GPC5: variants seen among roughly 807,000 people sequenced by gnomAD.
GPC5 encodes the protein glypican 5.
In GPC5, 47 loss-of-function variants were observed where a neutral mutation model predicts 53.9. The observed-to-expected ratio is 0.87, with a 90% CI of 0.69 to 1.11. GPC5 has a LOEUF of 1.11. GPC5 is among the 50% of genes most tolerant of loss of function. GPC5 has a pLI of 0.00. For missense variants in GPC5, 748 were observed against 713.1 expected (o/e 1.05, Z -0.56); for synonymous variants, 286 against 263.3 (o/e 1.09, Z -0.84).
At chr13:92,037,227 A>C (rs1366617479) in intron 6 of GPC5, among the ~76,000 whole-genome samples, 1 of 152,094 alleles carries the variant, frequency 6.6e-6, no homozygotes, top group Non-Finnish European at 1.5e-5. Context: ...GCGTGCACAC[A>C]CACCTTGCTT....
intron 6 of GPC5, among the ~76,000 whole-genome samples, chr13:91,925,481 G>T (rs909646065): frequency 2.0e-5 from 3 of 152,112 alleles, no homozygotes; most frequent in Non-Finnish European, 2.9e-5. Flanking sequence ...CCCACTAGGT[G>T]CTAGGTATTA....
At chr13:91,986,463 A>G (rs1200638204) in intron 6 of GPC5, among the ~76,000 whole-genome samples, 6 of 152,180 alleles carry the variant, frequency 3.9e-5, no homozygotes, top group African/African-American at 1.4e-4. Flanking sequence ...TAATTTGTAA[A>G]CTTTTCTGAA....
At chr13:92,466,516 A>G (rs901667017) in intron 7 of GPC5, among the ~76,000 whole-genome samples, 2 of 151,920 alleles carry the variant, frequency 1.3e-5, no homozygotes, top group African/African-American at 4.8e-5. Flanking sequence ...CTGGTTTACA[A>G]TGTATCACTT....
At chr13:92,472,065 T>C (rs1214084787) in intron 7 of GPC5, among the ~76,000 whole-genome samples, 2 of 151,978 alleles carry the variant, frequency 1.3e-5, no homozygotes, top group Non-Finnish European at 2.9e-5. Flanking sequence ...CAAATGAAGG[T>C]ACATGTATGA....
chr13:91,874,921 A>G (rs2138938061), intron 5 of GPC5, among the ~76,000 whole-genome samples: 1 of 152,282 alleles, frequency 6.6e-6, no homozygotes, highest in South Asian at 2.1e-4. Context: ...ACTCAATAAC[A>G]AAGGATGAAT....
chr13:92,250,151 A>G (rs1929183), intron 7 of GPC5, among the ~76,000 whole-genome samples: 85,539 of 151,758 alleles, frequency 0.56, 24,374 homozygotes, highest in South Asian at 0.65. Context: ...TCAATGATAC[A>G]TGCTCAGCCA....
chr13:92,854,482 G>A (rs1641644118), intron 7 of GPC5, among the ~76,000 whole-genome samples: 1 of 151,218 alleles, frequency 6.6e-6, no homozygotes, highest in Admixed American at 6.6e-5. Flanking sequence ...ACAAGTATCA[G>A]ACAGATAAAA....
chr13:92,726,449 A>G (rs1243724717), intron 7 of GPC5, among the ~76,000 whole-genome samples: 4 of 151,470 alleles, frequency 2.6e-5, no homozygotes. Context: ...CTAGAGTGCA[A>G]TGGTGAAAAC....
At chr13:91,586,855 G>C (rs1002856498) in intron 2 of GPC5, among the ~76,000 whole-genome samples, 1 of 151,580 alleles carries the variant, frequency 6.6e-6, no homozygotes, top group Non-Finnish European at 1.5e-5. Flanking sequence ...TATTCAAAAT[G>C]GAAATATTTG....
chr13:91,902,263 A>G (rs182333061), intron 5 of GPC5, among the ~76,000 whole-genome samples: 11 of 152,202 alleles, frequency 7.2e-5, no homozygotes, highest in Admixed American at 7.2e-4. Context: ...CAAGCTGGTA[A>G]AGTCAGGAGA....
intron 7 of GPC5, among the ~76,000 whole-genome samples, chr13:92,342,838 T>A (rs1370021578): frequency 6.6e-6 from 1 of 152,130 alleles, no homozygotes; most frequent in Non-Finnish European, 1.5e-5. Flanking sequence ...TTGTATTACT[T>A]TAGCTTTGGT....
At chr13:91,868,671 C>A (rs1403859197) in intron 5 of GPC5, among the ~76,000 whole-genome samples, 1 of 152,104 alleles carries the variant, frequency 6.6e-6, no homozygotes, top group Non-Finnish European at 1.5e-5. Context: ...TGCCACTGCA[C>A]TCCAGCCTGG....
intron 5 of GPC5, among the ~76,000 whole-genome samples, chr13:91,895,023 T>C (rs561969377): frequency 6.7e-6 from 1 of 150,174 alleles, no homozygotes; most frequent in Non-Finnish European, 1.5e-5. Context: ...TTATCGAAGC[T>C]GGCCTTCTAA....
At chr13:92,527,207 A>AAGAAAGAAAGAAAGAAAGAAAG (rs1881360618) in intron 7 of GPC5, among the ~76,000 whole-genome samples, 5 of 33,134 alleles carry the variant, frequency 1.5e-4, no homozygotes, top group Non-Finnish European at 2.3e-4. Flanking sequence ...GAAAGAAAGA[A>AAGAAAGAAAGAAAGAAAGAAAG]AGAAAGAAAG....
At chr13:91,865,817 A>G (rs1031212141) in intron 5 of GPC5, among the ~76,000 whole-genome samples, 1 of 151,350 alleles carries the variant, frequency 6.6e-6, no homozygotes, top group Non-Finnish European at 1.5e-5. Flanking sequence ...TCCTCATCCC[A>G]TCCCTCTACT....
At chr13:92,661,872 C>T (rs1462437855) in intron 7 of GPC5, among the ~76,000 whole-genome samples, 1 of 152,194 alleles carries the variant, frequency 6.6e-6, no homozygotes, top group African/African-American at 2.4e-5. Context: ...CCTATCTCTT[C>T]TTTCTCTGTA....
intron 1 of GPC5, among the ~76,000 whole-genome samples, chr13:91,433,629 T>G (rs2139034190): frequency 6.6e-6 from 1 of 152,278 alleles, no homozygotes; most frequent in African/African-American, 2.4e-5. Flanking sequence ...GTTCCAAGTC[T>G]TTGCTATTGT....
At chr13:91,547,225 G>A (rs1342169569) in intron 2 of GPC5, among the ~76,000 whole-genome samples, 1 of 151,990 alleles carries the variant, frequency 6.6e-6, no homozygotes, top group African/African-American at 2.4e-5. Context: ...TAGCAATATT[G>A]GTCTGGAACT....
rs570899317 is a variant in GPC5 at position 92,604,820 on chromosome 13, C to T, written c.1562-261462C>T. Among the ~76,000 whole-genome samples, 7 of 152,272 alleles carry T rather than the reference C, an allele frequency of 4.6e-5. No individual in the cohort carries two copies. In the East Asian group the frequency reaches 9.6e-4, roughly 21 times the overall value. On this transcript the variant is annotated intron_variant, in intron 7 of 7. Coordinates refer to ENST00000377067, the MANE Select transcript of GPC5 (RefSeq NM_004466.6). ...TTTATACATATTTTTCAACATTTCA[C>T]ATATAGATTTTTCCGGACAATACAA...
Sources: gnomAD v4.1 joint callset for allele counts (sites outside exome capture counted in the v4.1 genomes callset) on GRCh38, gnomAD v4.1.1 for gene constraint, MANE v1.5 for transcripts, NCBI Gene and HGNC (gene_info 2026-07-23, HGNC 2026-07-21) for gene names.